RBFOX1: variants seen among roughly 807,000 people sequenced by gnomAD.
The protein encoded by RBFOX1 is RNA binding protein fox-1 homolog 1.
RBFOX1 carries 8 observed loss-of-function variants against 57.7 expected under a neutral mutation model. The observed-to-expected ratio is 0.14, with a 90% CI of 0.08 to 0.25. RBFOX1 has a LOEUF of 0.25. RBFOX1 is among the 10% of genes least tolerant of loss of function. The pLI, the probability that RBFOX1 is intolerant of heterozygous loss-of-function variation, is 1.00. For synonymous variants in RBFOX1, 326 were observed against 222.4 expected, an observed-to-expected ratio of 1.47 and a Z score of -4.15; for missense variants, 611 against 548.5, an observed-to-expected ratio of 1.11 and a Z score of -1.14.
chr16:5,243,546 G>C (rs1388833964), intron 1 of RBFOX1, among the ~76,000 whole-genome samples: 4 of 152,168 alleles, frequency 2.6e-5, no homozygotes, highest in African/African-American at 9.7e-5. Flanking sequence ...AGCGGCATCT[G>C]TGGTCTCCAT....
rs59668769 is a variant in RBFOX1 at position 6,995,467 on chromosome 16, A to C, written c.-15-56590A>C. 8.3e-3 allele frequency among the ~76,000 whole-genome samples: 1,263 copies of C among 152,216 alleles called. 20 individuals are homozygous for C. The highest frequency in any genetic ancestry group is 0.029 in the African/African-American group (1,199 of 41,542). On this transcript the variant is annotated intron_variant, in intron 3 of 15. Coordinates refer to ENST00000550418, the MANE Select transcript of RBFOX1 (RefSeq NM_018723.4). Reference sequence around the variant, plus strand: ...CAAATAATCTTGCTGGTGGTGACAGAAGAGGAAGGCTTTGAAGAGGGGTGT... The same window carrying C: ...CAAATAATCTTGCTGGTGGTGACAGCAGAGGAAGGCTTTGAAGAGGGGTGT...
chr16:6,781,094 C>T (rs1255992913), intron 3 of RBFOX1, among the ~76,000 whole-genome samples: 1 of 152,080 alleles, frequency 6.6e-6, no homozygotes, highest in Admixed American at 6.6e-5. Context: ...AGCATTTCCA[C>T]AGTGTTTTCT....
chr16:6,982,321 C>T (rs1196610595), intron 3 of RBFOX1, among the ~76,000 whole-genome samples: 2 of 152,164 alleles, frequency 1.3e-5, no homozygotes, highest in South Asian at 2.1e-4. Flanking sequence ...TTACAGAAAC[C>T]CATTCCCATT....
chr16:5,861,708 A>G (rs1460744811), intron 3 of RBFOX1, among the ~76,000 whole-genome samples: 2 of 152,182 alleles, frequency 1.3e-5, no homozygotes, highest in African/African-American at 4.8e-5. Flanking sequence ...TACACAGGGC[A>G]TTTGTTGCTA....
chr16:5,429,794 T>A (rs1383582922), intron 1 of RBFOX1, among the ~76,000 whole-genome samples: 1 of 152,176 alleles, frequency 6.6e-6, no homozygotes, highest in African/African-American at 2.4e-5. Context: ...ATGGAGTGAT[T>A]TAGTAATCGT....
At chr16:7,036,726 CAAACAAAGA>C (rs1323077218) in intron 3 of RBFOX1, among the ~76,000 whole-genome samples, 2 of 111,014 alleles carry the variant, frequency 1.8e-5, no homozygotes, top group Middle Eastern at 3.9e-3. Context: ...AAACAAAAAA[CAAACAAAGA>C]AAAAAAAAAA....
At chr16:5,818,312 G>A (rs1229948103) in intron 3 of RBFOX1, among the ~76,000 whole-genome samples, 1 of 152,174 alleles carries the variant, frequency 6.6e-6, no homozygotes, top group East Asian at 1.9e-4. Context: ...GAAAGCCTGA[G>A]TTTCATTGCA....
At chr16:7,094,235 T>C (rs927808330) in intron 4 of RBFOX1, among the ~76,000 whole-genome samples, 1 of 152,018 alleles carries the variant, frequency 6.6e-6, no homozygotes, top group African/African-American at 2.4e-5. Flanking sequence ...TGTGTCCCCA[T>C]TCAGAGAAGA....
At chr16:5,389,337 C>A (rs1039832781) in intron 1 of RBFOX1, among the ~76,000 whole-genome samples, 1 of 152,184 alleles carries the variant, frequency 6.6e-6, no homozygotes, top group Non-Finnish European at 1.5e-5. Flanking sequence ...TCGACCTTGG[C>A]TCTATGGACG....
At chr16:5,447,378 A>ATCTC (rs71142623) in intron 1 of RBFOX1, among the ~76,000 whole-genome samples, 48,043 of 134,124 alleles carry the variant, frequency 0.36, 8,909 homozygotes, top group Admixed American at 0.41. Context: ...CAATCAATCA[A>ATCTC]TCTCTCTCTC....
chr16:5,843,305 A>G (rs2056673376), intron 3 of RBFOX1, among the ~76,000 whole-genome samples: 1 of 152,196 alleles, frequency 6.6e-6, no homozygotes, highest in African/African-American at 2.4e-5. Context: ...TTCACCCTTA[A>G]GTAGGCTCCA....
At chr16:6,872,033 TG>T (rs1329424999) in intron 3 of RBFOX1, among the ~76,000 whole-genome samples, 2 of 152,024 alleles carry the variant, frequency 1.3e-5, no homozygotes, top group African/African-American at 4.8e-5. Context: ...TATGATTGTG[TG>T]TAGGTATCGT....
intron 1 of RBFOX1, among the ~76,000 whole-genome samples, chr16:5,340,392 G>A (rs1438582707): frequency 3.3e-5 from 5 of 152,152 alleles, no homozygotes; most frequent in Non-Finnish European, 7.4e-5. Flanking sequence ...CATTAGTTGA[G>A]GTCTTCTGGA....
intron 1 of RBFOX1, among the ~76,000 whole-genome samples, chr16:5,266,285 C>T (rs541258105): frequency 6.6e-6 from 1 of 152,172 alleles, no homozygotes; most frequent in South Asian, 2.1e-4. Flanking sequence ...TCCCTGGATC[C>T]CTGGACTCAC....
At chr16:6,643,936 G>A (rs1003781463) in intron 2 of RBFOX1, among the ~76,000 whole-genome samples, 3 of 152,068 alleles carry the variant, frequency 2.0e-5, no homozygotes, top group Non-Finnish European at 4.4e-5. Context: ...GACCAGCCTG[G>A]CCAACATGGG....
chr16:5,538,777 C>T (rs58568767), intron 2 of RBFOX1, among the ~76,000 whole-genome samples: 1 of 151,988 alleles, frequency 6.6e-6, no homozygotes, highest in African/African-American at 2.4e-5. Context: ...CAGGCACGCA[C>T]CACCATGCCC....
intron 3 of RBFOX1, among the ~76,000 whole-genome samples, chr16:6,800,185 A>C (rs2085054117): frequency 6.7e-6 from 1 of 148,230 alleles, no homozygotes; most frequent in African/African-American, 2.6e-5. Context: ...TCAACAGGGT[A>C]TTGAAAACAA....
At chr16:7,343,373 G>T (rs1185862018) in intron 4 of RBFOX1, among the ~76,000 whole-genome samples, 2 of 152,168 alleles carry the variant, frequency 1.3e-5, no homozygotes, top group Non-Finnish European at 2.9e-5. Flanking sequence ...CAGAACATCT[G>T]CATCAGAGTG....
At chr16:7,173,275 A>G (rs932258053) in intron 4 of RBFOX1, among the ~76,000 whole-genome samples, 1 of 152,212 alleles carries the variant, frequency 6.6e-6, no homozygotes, top group Non-Finnish European at 1.5e-5. Flanking sequence ...ACCTGGTCAA[A>G]TCCAACGTGC....
Sources: allele counts gnomAD v4.1 joint callset (sites outside exome capture counted in the v4.1 genomes callset), GRCh38; gene constraint gnomAD v4.1.1; transcripts MANE v1.5; gene names NCBI Gene and HGNC (gene_info 2026-07-23, HGNC 2026-07-21).